The following ROBO1 variants were observed in gnomAD, a reference collection of about 807,000 sequenced individuals.
ROBO1 encodes roundabout guidance receptor 1, also known as roundabout homolog 1.
In ROBO1, 149 loss-of-function variants were observed where a neutral mutation model predicts 195.9. The ratio of observed to expected loss-of-function variants is 0.76; its 90% CI spans 0.67 to 0.87. The LOEUF (loss-of-function observed/expected upper bound fraction) is 0.87. Among genes scored for constraint, ROBO1 ranks in the 40% least tolerant of loss-of-function variants. The probability of loss-of-function intolerance (pLI) is 0.00; values close to 1 mark genes in which losing one functional copy is unlikely to be tolerated. For missense variants in ROBO1, 1,933 were observed against 2,068.3 expected (o/e 0.93, Z 1.27); for synonymous variants, 816 against 733.2 (o/e 1.11, Z -1.82).
At chr3:79,736,831 G>A (rs1027191702) in intron 1 of ROBO1, among the ~76,000 whole-genome samples, 3 of 152,140 alleles carry the variant, frequency 2.0e-5, no homozygotes, top group African/African-American at 4.8e-5. Context: ...TGACCCAGCA[G>A]GCATTGACTT....
At chr3:78,749,995 T>C (rs542727779) in intron 4 of ROBO1, among the ~76,000 whole-genome samples, 7 of 152,346 alleles carry the variant, frequency 4.6e-5, no homozygotes, top group South Asian at 4.1e-4. Context: ...CCCACTAAGA[T>C]TGTAACAATA....
intron 25 of ROBO1, among the ~76,000 whole-genome samples, chr3:78,629,809 G>A (rs1483414949): frequency 6.6e-6 from 1 of 152,108 alleles, no homozygotes; most frequent in Non-Finnish European, 1.5e-5. Context: ...TATTCCCACA[G>A]ACTCACAAAG....
At chr3:79,529,652 C>T (rs944477925) in intron 2 of ROBO1, among the ~76,000 whole-genome samples, 16 of 152,146 alleles carry the variant, frequency 1.1e-4, no homozygotes, top group Non-Finnish European at 2.2e-4. Flanking sequence ...TGGTAGTGTA[C>T]ACACACTGGA....
rs1707852768 is a variant in ROBO1 at position 78,668,265 on chromosome 3, G to A, written c.1668C>T (p.Asp556=). 6.2e-7 allele frequency: 1 copy of A among 1,613,736 alleles called. No individual in the cohort carries two copies. Among genetic ancestry groups the A allele is most frequent in the African/African-American group, 1.3e-5 (1 of 74,896 alleles). ...ATGGGGCACTAGGGATTAAATTTGG[G>A]TCAGTAGGTCTTGGAGGCTGAACTG... ...GVPVQPPRPT[D]PNLIPSAPSK... is the part of the protein sequence containing the mutation. The change falls in exon 13 of 31, where the codon GAC becomes GAT. Residue 556 remains aspartate (D), a synonymous_variant. Coordinates refer to ENST00000464233, the MANE Select transcript of ROBO1 (RefSeq NM_002941.4).
intron 1 of ROBO1, among the ~76,000 whole-genome samples, chr3:79,619,859 A>G (rs575932209): frequency 6.6e-6 from 1 of 152,146 alleles, no homozygotes; most frequent in Non-Finnish European, 1.5e-5. Flanking sequence ...AAAAGGTCCA[A>G]AAATTGGATT....
chr3:78,683,765 A>G (rs2080986216), intron 10 of ROBO1, among the ~76,000 whole-genome samples: 1 of 152,054 alleles, frequency 6.6e-6, no homozygotes, highest in Non-Finnish European at 1.5e-5. Flanking sequence ...AACTCATACC[A>G]TACACAAAAA....
At chr3:79,735,118 C>T (rs565228821) in intron 1 of ROBO1, among the ~76,000 whole-genome samples, 19 of 152,286 alleles carry the variant, frequency 1.2e-4, no homozygotes, top group African/African-American at 4.6e-4. Flanking sequence ...GGATCCATAC[C>T]TTCTGCATCA....
At chr3:79,363,240 A>G (rs2035838449) in intron 2 of ROBO1, among the ~76,000 whole-genome samples, 1 of 152,154 alleles carries the variant, frequency 6.6e-6, no homozygotes, top group East Asian at 1.9e-4. Flanking sequence ...TGCTTATGAA[A>G]CACAGAAACA....
chr3:78,725,679 A>C (rs2082145145), intron 5 of ROBO1, among the ~76,000 whole-genome samples: 1 of 152,244 alleles, frequency 6.6e-6, no homozygotes, highest in Non-Finnish European at 1.5e-5. Flanking sequence ...AGAATACAAG[A>C]AACAAAATTT....
At chr3:79,735,785 T>G (rs1703352046) in intron 1 of ROBO1, among the ~76,000 whole-genome samples, 1 of 150,884 alleles carries the variant, frequency 6.6e-6, no homozygotes, top group Non-Finnish European at 1.5e-5. Flanking sequence ...GCAGGAGAAT[T>G]GATTGAACCT....
chr3:79,327,585 A>G (rs1439403414), intron 2 of ROBO1, among the ~76,000 whole-genome samples: 1 of 151,992 alleles, frequency 6.6e-6, no homozygotes, highest in African/African-American at 2.4e-5. Flanking sequence ...TCAAAATAAA[A>G]TTTAAATATA....
chr3:79,392,099 G>A (rs1170779974), intron 2 of ROBO1, among the ~76,000 whole-genome samples: 1 of 152,160 alleles, frequency 6.6e-6, no homozygotes, highest in African/African-American at 2.4e-5. Context: ...TGGAGCTGAA[G>A]GAAATGGTCC....
At chr3:79,577,407 T>C (rs929590193) in intron 2 of ROBO1, among the ~76,000 whole-genome samples, 3 of 152,116 alleles carry the variant, frequency 2.0e-5, no homozygotes, top group Non-Finnish European at 4.4e-5. Flanking sequence ...GAGTTTTTGG[T>C]ATAACACCAA....
chr3:78,722,699 G>T (rs1384635296), intron 5 of ROBO1, among the ~76,000 whole-genome samples: 1 of 152,004 alleles, frequency 6.6e-6, no homozygotes, highest in African/African-American at 2.4e-5. Context: ...TTTTAAAAAG[G>T]ATTTCTAAAT....
At chr3:79,026,019 A>G (rs1263282969) in intron 3 of ROBO1, among the ~76,000 whole-genome samples, 1 of 152,180 alleles carries the variant, frequency 6.6e-6, no homozygotes, top group African/African-American at 2.4e-5. Flanking sequence ...ATGGCATAGT[A>G]TAATAGATAT....
intron 3 of ROBO1, among the ~76,000 whole-genome samples, chr3:78,995,667 G>C (rs1414999846): frequency 8.6e-5 from 1 of 11,562 alleles, no homozygotes; most frequent in Non-Finnish European, 6.8e-4. Flanking sequence ...TTGGGAGGCA[G>C]AGACCGGAGG....
At chr3:79,031,144 G>C (rs2078289554) in intron 3 of ROBO1, among the ~76,000 whole-genome samples, 1 of 152,186 alleles carries the variant, frequency 6.6e-6, no homozygotes, top group African/African-American at 2.4e-5. Context: ...AAGCTATTGA[G>C]AGTTAATCAA....
At chr3:79,630,325 GA>G (rs1293819792) in intron 1 of ROBO1, among the ~76,000 whole-genome samples, 1 of 152,010 alleles carries the variant, frequency 6.6e-6, no homozygotes, top group East Asian at 1.9e-4. Context: ...AGGGATGTGA[GA>G]ATGGTTCAAC....
intron 3 of ROBO1, among the ~76,000 whole-genome samples, chr3:79,064,464 C>G (rs1176826228): frequency 1.3e-5 from 2 of 151,858 alleles, no homozygotes; most frequent in African/African-American, 2.4e-5. Flanking sequence ...TAATGTTTTT[C>G]CTGTACTTCA....
Sources: gnomAD v4.1 joint callset for allele counts (sites outside exome capture counted in the v4.1 genomes callset) on GRCh38, gnomAD v4.1.1 for gene constraint, MANE v1.5 for transcripts, NCBI Gene and HGNC (gene_info 2026-07-23, HGNC 2026-07-21) for gene names.